The following ZYG11B variants were observed in gnomAD, a reference collection of about 807,000 sequenced individuals.
ZYG11B encodes protein zyg-11 homolog B.
In ZYG11B, 36 loss-of-function variants were observed where a neutral mutation model predicts 82.4. The ratio of observed to expected loss-of-function variants is 0.44; its 90% CI spans 0.33 to 0.58. The LOEUF is 0.58. Ranked by LOEUF, ZYG11B falls within the 20% of genes least tolerant of loss-of-function variation. ZYG11B has a pLI of 0.02. For missense variants in ZYG11B, 552 were observed against 895.6 expected, an observed-to-expected ratio of 0.62 and a Z score of 4.90; for synonymous variants, 303 against 312.8, an observed-to-expected ratio of 0.97 and a Z score of 0.33.
intron 1 of ZYG11B, among the ~76,000 whole-genome samples, chr1:52,746,714 T>TTTTTTTTTTG (rs1644480681): frequency 4.7e-5 from 6 of 128,664 alleles, no homozygotes; most frequent in East Asian, 2.3e-4. Flanking sequence ...TTTTTTTTTT[T>TTTTTTTTTTG]GCGGCTGGAA....
At chr1:52,759,935 A>G (rs1036294877) in intron 2 of ZYG11B, among the ~76,000 whole-genome samples, 10 of 152,196 alleles carry the variant, frequency 6.6e-5, no homozygotes, top group South Asian at 4.2e-4. Flanking sequence ...GGTTTAAGCA[A>G]TTCTTGTGCC....
chr1:52,767,660 G>T (rs951929821), intron 2 of ZYG11B, among the ~76,000 whole-genome samples: 1 of 152,146 alleles, frequency 6.6e-6, no homozygotes, highest in Non-Finnish European at 1.5e-5. Context: ...CACCCAAGGT[G>T]CAGGGCTATG....
chr1:52,801,815 T>C lies in ZYG11B; in HGVS notation c.1486-4T>C, dbSNP rs551621179. ...AAACTTATTTCTGTTTTTTTTTTTT[T>C]CAGCAACTTCTTCAAATAGTGAAGC... is the stretch of plus-strand genomic sequence containing the variant. On this transcript the variant is annotated splice_polypyrimidine_tract_variant and splice_region_variant and intron_variant, in intron 8 of 13. Coordinates refer to ENST00000294353, the MANE Select transcript of ZYG11B (RefSeq NM_024646.3). The C allele has an allele frequency of 2.0e-5, 32 of 1,573,478 alleles. No individual in the cohort carries two copies. The East Asian group carries it at 2.9e-4, about 14-fold the overall frequency.
chr1:52,776,244 A>ATATATATAT (rs1230417149), intron 3 of ZYG11B, among the ~76,000 whole-genome samples: 2 of 99,822 alleles, frequency 2.0e-5, no homozygotes, highest in Non-Finnish European at 4.4e-5. Flanking sequence ...ATATATATAT[A>ATATATATAT]TGCAATAAAG....
chr1:52,797,362 CATATAAT>C (rs1413956510), intron 8 of ZYG11B, among the ~76,000 whole-genome samples: 11 of 39,954 alleles, frequency 2.8e-4, no homozygotes, highest in Admixed American at 9.6e-4. Flanking sequence ...ATATATAATA[CATATAAT>C]ATATAATATA....
intron 2 of ZYG11B, among the ~76,000 whole-genome samples, chr1:52,763,232 T>C (rs1644651653): frequency 6.6e-6 from 1 of 152,196 alleles, no homozygotes; most frequent in South Asian, 2.1e-4. Context: ...GGTAGTATGA[T>C]GCCTCCAGGT....
chr1:52,765,662 C>T (rs551841055), intron 2 of ZYG11B, among the ~76,000 whole-genome samples: 4 of 152,162 alleles, frequency 2.6e-5, no homozygotes, highest in South Asian at 2.1e-4. Context: ...CCACCATGCC[C>T]GACTAATTAA....
Position 52,776,229 on chromosome 1 carries a change from A to AAAAAAAT in ZYG11B, c.952-3623_952-3622insAAAAATA. On this transcript the variant is annotated intron_variant, in intron 3 of 13. Transcript: ENST00000294353. Reference sequence around the variant, plus strand: ...AGCAAAACTCTGTCTTAAAAAAAAAAATATATATATATATATGCAATAAAG... The same window carrying AAAAAAAT: ...AGCAAAACTCTGTCTTAAAAAAAAAAAAAAAATATATATATATATATATGCAATAAAG... Among the ~76,000 whole-genome samples, 178 of 23,548 alleles carry AAAAAAAT rather than the reference A, an allele frequency of 7.6e-3. 13 individuals carry two copies. Among genetic ancestry groups the AAAAAAAT allele is most frequent in the African/African-American group, 0.015 (163 of 10,560 alleles). 15.4% of individuals were successfully genotyped at this position (23,548 alleles called of 152,430 possible). A position where few individuals can be genotyped will look rare whatever the true frequency, so the allele number is the denominator to read the frequency against.
At chr1:52,763,070 T>C (rs1644648064) in intron 2 of ZYG11B, among the ~76,000 whole-genome samples, 1 of 151,918 alleles carries the variant, frequency 6.6e-6, no homozygotes, top group South Asian at 2.1e-4. Flanking sequence ...CCAGTCAATG[T>C]CATTGGTGCC....
chr1:52,727,801 T>C (rs1222985700), intron 1 of ZYG11B, among the ~76,000 whole-genome samples: 3 of 152,154 alleles, frequency 2.0e-5, no homozygotes, highest in Non-Finnish European at 4.4e-5. Flanking sequence ...TGAGTTGGGT[T>C]ATAAGTGGTT....
At chr1:52,741,298 C>CAAAAAAAAA (rs770092920) in intron 1 of ZYG11B, among the ~76,000 whole-genome samples, 79 of 72,158 alleles carry the variant, frequency 1.1e-3, no homozygotes, top group African/African-American at 2.1e-3. Flanking sequence ...GACTTCGTCT[C>CAAAAAAAAA]AAAAAAAAAA....
intron 2 of ZYG11B, among the ~76,000 whole-genome samples, chr1:52,765,670 T>TA (rs1227962914): frequency 1.3e-5 from 2 of 152,008 alleles, no homozygotes; most frequent in Admixed American, 6.6e-5. Context: ...CCCGACTAAT[T>TA]AAAATTTTTT....
rs755866491 is a variant in ZYG11B, at chr1:52,790,715, C to CA, written c.1334+673dup. Among the ~76,000 whole-genome samples, 415 of 49,558 alleles carry CA rather than the reference C, an allele frequency of 8.4e-3. 11 individuals carry two copies. The highest frequency in any genetic ancestry group is 0.028 in the Middle Eastern group (1 of 36). The allele number at this position is 49,558 out of a possible 152,430, so 32.5% of individuals were successfully genotyped here. On this transcript the variant is annotated intron_variant, in intron 6 of 13. Coordinates refer to ENST00000294353, the MANE Select transcript of ZYG11B (RefSeq NM_024646.3). Reference sequence around the variant, plus strand: ...CCTGGGTGACAGGGCAAGACTGTCTCAAAAAAAAAAAAAAAAAAAAAAAAA... The same window carrying CA: ...CCTGGGTGACAGGGCAAGACTGTCTCAAAAAAAAAAAAAAAAAAAAAAAAAA...
At chr1:52,752,623 T>C (rs986984842) in intron 1 of ZYG11B, among the ~76,000 whole-genome samples, 10 of 152,194 alleles carry the variant, frequency 6.6e-5, no homozygotes, top group African/African-American at 2.4e-4. Context: ...CCACAGTTTA[T>C]AGTTCATTGG....
At chr1:52,778,638 A>G (rs1340111633) in intron 3 of ZYG11B, among the ~76,000 whole-genome samples, 3 of 152,116 alleles carry the variant, frequency 2.0e-5, no homozygotes, top group African/African-American at 2.4e-5. Context: ...AGATCTATCA[A>G]TTCATTGGGG....
At chr1:52,734,451 T>A (rs959175078) in intron 1 of ZYG11B, among the ~76,000 whole-genome samples, 6 of 150,064 alleles carry the variant, frequency 4.0e-5, no homozygotes, top group African/African-American at 1.2e-4. Flanking sequence ...TTTTTTTTTT[T>A]AAAGAGTCTC....
intron 1 of ZYG11B, among the ~76,000 whole-genome samples, chr1:52,750,916 C>T (rs1301933501): frequency 6.6e-6 from 1 of 152,146 alleles, no homozygotes; most frequent in Admixed American, 6.6e-5. Flanking sequence ...GTTTTCAAGG[C>T]TCATTCATGT....
At chr1:52,734,686 A>G (rs1168461897) in intron 1 of ZYG11B, among the ~76,000 whole-genome samples, 3 of 151,066 alleles carry the variant, frequency 2.0e-5, no homozygotes, top group Non-Finnish European at 4.4e-5. Context: ...GTATGAGTTC[A>G]AGAACCACAA....
chr1:52,731,895 C>T (rs1644335941), intron 1 of ZYG11B, among the ~76,000 whole-genome samples: 1 of 152,162 alleles, frequency 6.6e-6, no homozygotes, highest in African/African-American at 2.4e-5. Flanking sequence ...CTCGACCTCC[C>T]AGGCCCAAGC....
Sources: allele counts gnomAD v4.1 joint callset (sites outside exome capture counted in the v4.1 genomes callset), GRCh38; gene constraint gnomAD v4.1.1; transcripts MANE v1.5; gene names NCBI Gene and HGNC (gene_info 2026-07-23, HGNC 2026-07-21).